Variants in DLG2 observed in about 807,000 individuals in gnomAD.
DLG2 encodes the protein discs large MAGUK scaffold protein 2.
Under a neutral mutation model 132.5 loss-of-function variants are expected in DLG2, and 45 were observed. That is an observed-to-expected ratio of 0.34 (90% CI 0.27 to 0.44). The LOEUF is 0.44. Ranked by LOEUF, DLG2 falls within the 20% of genes least tolerant of loss-of-function variation. The probability of loss-of-function intolerance (pLI) is 1.00; values close to 1 mark genes in which losing one functional copy is unlikely to be tolerated. For synonymous variants in DLG2, 424 were observed against 419.6 expected (o/e 1.01, Z -0.13); for missense variants, 1,045 against 1,196.9 (o/e 0.87, Z 1.87).
At position 83,552,350 on chromosome 11, in the gene DLG2, A is replaced by G. The variant is rs1414311370; in HGVS notation, c.1941-10492T>C. Among the ~76,000 whole-genome samples, 3 of 152,170 alleles carry G rather than the reference A, an allele frequency of 2.0e-5. No homozygotes were observed. The South Asian group carries it at 6.2e-4, about 32-fold the overall frequency. ...AAGGAGGTGAGGGAGTTAGATATAC[A>G]GGCATCTGAGGAAAGAGTGATCTCA... On this transcript the variant is annotated intron_variant, in intron 19 of 27. Coordinates refer to ENST00000376104, the MANE Select transcript of DLG2 (RefSeq NM_001142699.3).
At chr11:84,671,139 G>C (rs1204082664) in intron 6 of DLG2, among the ~76,000 whole-genome samples, 1 of 150,956 alleles carries the variant, frequency 6.6e-6, no homozygotes, top group Admixed American at 6.6e-5. Flanking sequence ...CTGTCACCCA[G>C]ATTGGAGTGC....
At position 83,895,948 on chromosome 11, in the gene DLG2, T is replaced by A. The variant is rs989277071; in HGVS notation, c.1497-21460A>T. 2.6e-5 allele frequency among the ~76,000 whole-genome samples: 4 copies of A among 152,204 alleles called. No homozygotes were observed. The South Asian group carries it at 8.3e-4, about 31-fold the overall frequency. On this transcript the variant is annotated intron_variant, in intron 15 of 27. Transcript: ENST00000376104. ...ATTGAACTGAACACTGTAATGCTAG[T>A]TATATCATTTCCATTGAGTTCCCAA... is the stretch of plus-strand genomic sequence containing the variant.
rs57587143 is a variant in DLG2, at chr11:83,762,582, A to AT, written c.1825+24107dup. ...ACCTAAGTGTTGAGATTAAGTATTA[A>AT]TTTTTTTTTTTTTTTTGAGACGGAG... is the stretch of plus-strand genomic sequence containing the variant. On this transcript the variant is annotated intron_variant, in intron 18 of 27. Transcript: ENST00000376104. Among the ~76,000 whole-genome samples the AT allele has an allele frequency of 7.9e-3, 1,140 of 143,790 alleles. 8 individuals carry two copies. The highest frequency in any genetic ancestry group is 0.022 in the Middle Eastern group (6 of 278). The allele number at this position is 143,790 out of a possible 152,430, so 94.3% of individuals were successfully genotyped here.
rs139389640 is a variant in DLG2 at position 85,322,456 on chromosome 11, G to C, written c.41-37091C>G. Among the ~76,000 whole-genome samples, 184 of 152,226 alleles carry C rather than the reference G, an allele frequency of 1.2e-3. 1 individual carries two copies. The highest frequency in any genetic ancestry group is 2.0e-3 in the Non-Finnish European group (139 of 67,992). ...TAAGTAAAATCACACAATGGGAAAG[G>C]TTTGCATTATTATAAATTAGTGATT... On this transcript the variant is annotated intron_variant, in intron 3 of 27. Coordinates refer to ENST00000376104, the MANE Select transcript of DLG2 (RefSeq NM_001142699.3).
intron 6 of DLG2, among the ~76,000 whole-genome samples, chr11:85,108,658 T>C (rs1238235757): frequency 2.6e-5 from 4 of 152,052 alleles, no homozygotes; most frequent in Non-Finnish European, 5.9e-5. Flanking sequence ...AAATAGATTA[T>C]AAATTATCAA....
chr11:83,649,632 T>C (rs2153513476), intron 18 of DLG2, among the ~76,000 whole-genome samples: 1 of 152,302 alleles, frequency 6.6e-6, no homozygotes, highest in African/African-American at 2.4e-5. Context: ...TCCCCTGCTC[T>C]GTTTTACATC....
At chr11:84,686,633 T>TTG (rs201534756) in intron 6 of DLG2, among the ~76,000 whole-genome samples, 1,573 of 120,920 alleles carry the variant, frequency 0.013, 19 homozygotes, top group African/African-American at 0.043. Flanking sequence ...CCTTGAGGTT[T>TTG]TTTTTTTTTT....
intron 6 of DLG2, among the ~76,000 whole-genome samples, chr11:85,007,709 A>G (rs1034185904): frequency 1.3e-5 from 2 of 151,614 alleles, no homozygotes; most frequent in African/African-American, 4.8e-5. Flanking sequence ...AAGAAAAAGA[A>G]AAAGAAGAAA....
intron 7 of DLG2, among the ~76,000 whole-genome samples, chr11:84,274,238 T>C (rs755485520): frequency 3.3e-5 from 5 of 152,280 alleles, no homozygotes; most frequent in South Asian, 4.1e-4. Context: ...CTCTGTAGGA[T>C]TGCTGAGCTA....
intron 7 of DLG2, among the ~76,000 whole-genome samples, chr11:84,415,030 A>G (rs2098924210): frequency 6.6e-6 from 1 of 152,162 alleles, no homozygotes; most frequent in Non-Finnish European, 1.5e-5. Context: ...CACTTCCTGA[A>G]TTCCTCTAGC....
chr11:84,464,801 G>A (rs1452311111), intron 7 of DLG2, among the ~76,000 whole-genome samples: 1 of 151,006 alleles, frequency 6.6e-6, no homozygotes, highest in Non-Finnish European at 1.5e-5. Context: ...CATGTATATA[G>A]ATATACACAT....
At chr11:85,487,873 T>C (rs369831327) in intron 3 of DLG2, among the ~76,000 whole-genome samples, 9 of 152,300 alleles carry the variant, frequency 5.9e-5, no homozygotes, top group African/African-American at 2.2e-4. Context: ...TCAGACTGTC[T>C]AATATGGTTT....
intron 8 of DLG2, among the ~76,000 whole-genome samples, chr11:84,164,446 C>T (rs1419435014): frequency 6.6e-6 from 1 of 152,096 alleles, no homozygotes; most frequent in African/African-American, 2.4e-5. Flanking sequence ...TAAAGCCATA[C>T]TTTTTATAGG....
intron 3 of DLG2, among the ~76,000 whole-genome samples, chr11:85,501,070 T>G (rs1027362442): frequency 6.6e-6 from 1 of 151,794 alleles, no homozygotes; most frequent in Non-Finnish European, 1.5e-5. Context: ...CCAAAACATA[T>G]ATATAAACCA....
chr11:84,861,618 C>CAAAAAAAAAAAAAACA (rs2083657800), intron 6 of DLG2, among the ~76,000 whole-genome samples: 1 of 35,828 alleles, frequency 2.8e-5, no homozygotes, highest in African/African-American at 1.3e-4. Context: ...TTCTACACAG[C>CAAAAAAAAAAAAAACA]AAAAAAAAAA....
At chr11:84,997,050 G>C (rs914586747) in intron 6 of DLG2, among the ~76,000 whole-genome samples, 2 of 152,166 alleles carry the variant, frequency 1.3e-5, no homozygotes, top group African/African-American at 4.8e-5. Context: ...TGGTGGGGCA[G>C]AGGGGTTGGA....
chr11:84,255,060 C>G (rs2097444473), intron 7 of DLG2, among the ~76,000 whole-genome samples: 1 of 152,074 alleles, frequency 6.6e-6, no homozygotes, highest in Admixed American at 6.5e-5. Flanking sequence ...CCAGGACCTT[C>G]ACAGCCCACC....
At chr11:84,895,210 A>G (rs1310272536) in intron 6 of DLG2, among the ~76,000 whole-genome samples, 1 of 152,152 alleles carries the variant, frequency 6.6e-6, no homozygotes, top group Non-Finnish European at 1.5e-5. Flanking sequence ...AAATATTAAT[A>G]TTAGTTTAAA....
At chr11:85,077,788 T>C (rs1414381222) in intron 6 of DLG2, among the ~76,000 whole-genome samples, 2 of 152,046 alleles carry the variant, frequency 1.3e-5, no homozygotes, top group African/African-American at 2.4e-5. Flanking sequence ...GCGTTACATA[T>C]GTAGACCAGT....
Sources: gnomAD v4.1 joint callset for allele counts (sites outside exome capture counted in the v4.1 genomes callset) on GRCh38, gnomAD v4.1.1 for gene constraint, MANE v1.5 for transcripts, NCBI Gene and HGNC (gene_info 2026-07-23, HGNC 2026-07-21) for gene names.